The following STOX2 variants were observed in gnomAD, a reference collection of about 807,000 sequenced individuals.
STOX2 encodes storkhead-box protein 2.
A neutral mutation model predicts 60.9 loss-of-function variants in STOX2; 28 were observed. The ratio of observed to expected loss-of-function variants is 0.46; its 90% CI spans 0.34 to 0.63. The LOEUF (loss-of-function observed/expected upper bound fraction) is 0.63, where lower values mean the gene tolerates loss of function less well. Ranked by LOEUF, STOX2 falls within the 30% of genes least tolerant of loss-of-function variation. The probability of loss-of-function intolerance (pLI) is 0.01; values close to 1 mark genes in which losing one functional copy is unlikely to be tolerated. For missense variants in STOX2, 1,024 were observed against 1,187.7 expected (o/e 0.86, Z 2.03); for synonymous variants, 472 against 463.9 (o/e 1.02, Z -0.22).
chr4:183,982,498 TA>T (rs577748388), intron 1 of STOX2, among the ~76,000 whole-genome samples: 1 of 152,226 alleles, frequency 6.6e-6, no homozygotes, highest in African/African-American at 2.4e-5. Context: ...TGTCTTTTTT[TA>T]AAAAAATCAA....
chr4:183,958,801 G>A (rs1383973293), intron 1 of STOX2, among the ~76,000 whole-genome samples: 1 of 152,110 alleles, frequency 6.6e-6, no homozygotes, highest in Non-Finnish European at 1.5e-5. Context: ...TCCCTCACTG[G>A]CAATTAGAAC....
intron 1 of STOX2, among the ~76,000 whole-genome samples, chr4:183,835,216 G>A (rs1025570129): frequency 1.2e-4 from 18 of 151,166 alleles, no homozygotes; most frequent in Non-Finnish European, 2.4e-4. Flanking sequence ...ATAGTGTCTG[G>A]CAACCAATAG....
intron 1 of STOX2, among the ~76,000 whole-genome samples, chr4:183,874,952 A>T (rs4862260): frequency 2.1e-3 from 94 of 44,470 alleles, no homozygotes; most frequent in African/African-American, 3.5e-3. Flanking sequence ...AAAAAAAAAA[A>T]ATATATATAT....
intron 1 of STOX2, among the ~76,000 whole-genome samples, chr4:183,992,702 G>A (rs1733163470): frequency 6.6e-6 from 1 of 152,172 alleles, no homozygotes; most frequent in South Asian, 2.1e-4. Context: ...TTGGTAAGTG[G>A]CTTTACCTTC....
At chr4:183,885,255 T>C (rs758904737) in intron 1 of STOX2, among the ~76,000 whole-genome samples, 1 of 152,166 alleles carries the variant, frequency 6.6e-6, no homozygotes, top group Non-Finnish European at 1.5e-5. Flanking sequence ...TTGGTGTGTA[T>C]TTGTTTTACC....
chr4:183,906,765 C>T lies in STOX2; in HGVS notation c.-26C>T. On this transcript the variant is annotated 5_prime_UTR_variant, in exon 1 of 4. Transcript: ENST00000308497. ...GCCCCGGCGCTGAGGCCCCGAGGATCGGGGCGGCAGGTCGCCCTCCCCACC... is the reference window on the plus strand; with the variant it reads ...GCCCCGGCGCTGAGGCCCCGAGGATTGGGGCGGCAGGTCGCCCTCCCCACC... 6.7e-7 allele frequency: 1 copy of T among 1,499,012 alleles called. No individual in the cohort carries two copies. The highest frequency in any genetic ancestry group is 8.9e-7 in the Non-Finnish European group (1 of 1,118,132). 92.9% of individuals were successfully genotyped at this position (1,499,012 alleles called of 1,614,324 possible). A position where few individuals can be genotyped will look rare whatever the true frequency, so the allele number is the denominator to read the frequency against.
chr4:183,976,380 A>T (rs1448258554), intron 1 of STOX2, among the ~76,000 whole-genome samples: 6 of 152,190 alleles, frequency 3.9e-5, no homozygotes, highest in African/African-American at 1.4e-4. Flanking sequence ...AGAAGAAAAA[A>T]ACCACACAAT....
chr4:183,958,388 A>G (rs1476863972), intron 1 of STOX2, among the ~76,000 whole-genome samples: 2 of 152,158 alleles, frequency 1.3e-5, no homozygotes, highest in African/African-American at 4.8e-5. Flanking sequence ...TATATAAAAT[A>G]CCATATATAT....
At chr4:183,918,652 T>G (rs992414330) in intron 1 of STOX2, among the ~76,000 whole-genome samples, 2 of 152,220 alleles carry the variant, frequency 1.3e-5, no homozygotes, top group Admixed American at 1.3e-4. Context: ...AAGTGCATGT[T>G]CCTCCTTCGG....
intron 1 of STOX2, among the ~76,000 whole-genome samples, chr4:183,873,158 G>T (rs1000074896): frequency 6.6e-6 from 1 of 152,228 alleles, no homozygotes; most frequent in East Asian, 1.9e-4. Context: ...TAAAAATTGG[G>T]AGGATTGGGC....
intron 1 of STOX2, among the ~76,000 whole-genome samples, chr4:183,841,879 G>T (rs1229446242): frequency 6.6e-6 from 1 of 152,256 alleles, no homozygotes; most frequent in East Asian, 1.9e-4. Flanking sequence ...TTCCCATAGA[G>T]TCATACAATT....
At chr4:184,002,651 G>C (rs1413701533) in intron 2 of STOX2, among the ~76,000 whole-genome samples, 2 of 152,202 alleles carry the variant, frequency 1.3e-5, no homozygotes, top group African/African-American at 4.8e-5. Flanking sequence ...CCCATGGCAC[G>C]AAGGCTCTTC....
chr4:183,975,526 C>T (rs754415060), intron 1 of STOX2, among the ~76,000 whole-genome samples: 3 of 151,992 alleles, frequency 2.0e-5, no homozygotes, highest in Admixed American at 6.6e-5. Context: ...ATATAATAAG[C>T]AAACACCATC....
At chr4:183,801,068 A>C (rs1190837658) in intron 1 of STOX2, among the ~76,000 whole-genome samples, 1 of 152,230 alleles carries the variant, frequency 6.6e-6, no homozygotes, top group African/African-American at 2.4e-5. Context: ...GGTGCCTGTA[A>C]TTCCAAAAGT....
intron 1 of STOX2, among the ~76,000 whole-genome samples, chr4:183,944,352 T>C (rs1451212587): frequency 1.3e-5 from 2 of 152,198 alleles, no homozygotes; most frequent in African/African-American, 2.4e-5. Context: ...CTCAGGTGCA[T>C]AATACACTCA....
rs1042032579 is a variant in STOX2 at position 184,019,729 on chromosome 4, G to A, written c.*2445G>A. 2 of 152,210 alleles carry A rather than the reference G, an allele frequency of 1.3e-5. No individual in the cohort carries two copies. Among genetic ancestry groups the A allele is most frequent in the Admixed American group, 6.5e-5 (1 of 15,280 alleles). The allele number at this position is 152,210 out of a possible 1,614,324, so 9.4% of individuals were successfully genotyped here. ...TAGTGTAGAAATGATGGACTTTAAA[G>A]GTGATACCATGTAAGCAGATGTTGC... On this transcript the variant is annotated 3_prime_UTR_variant, in exon 4 of 4. Transcript: ENST00000308497.
intron 1 of STOX2, among the ~76,000 whole-genome samples, chr4:183,958,420 C>G (rs758400396): frequency 1.3e-5 from 2 of 152,096 alleles, no homozygotes; most frequent in Admixed American, 1.3e-4. Flanking sequence ...TTTAGAATTA[C>G]TATACCCATA....
chr4:183,879,634 C>T (rs1028619308), intron 1 of STOX2, among the ~76,000 whole-genome samples: 6 of 152,268 alleles, frequency 3.9e-5, no homozygotes, highest in Non-Finnish European at 7.4e-5. Context: ...CATTTCTCCA[C>T]GGACAACTCC....
At chr4:183,954,509 C>T (rs1272985007) in intron 1 of STOX2, among the ~76,000 whole-genome samples, 5 of 151,838 alleles carry the variant, frequency 3.3e-5, no homozygotes, top group Non-Finnish European at 5.9e-5. Flanking sequence ...AGGCTAGTCT[C>T]GAACTCCTGA....
Sources: gnomAD v4.1 joint callset for allele counts (sites outside exome capture counted in the v4.1 genomes callset) on GRCh38, gnomAD v4.1.1 for gene constraint, MANE v1.5 for transcripts, NCBI Gene and HGNC (gene_info 2026-07-23, HGNC 2026-07-21) for gene names.